CUL3: variants seen among roughly 807,000 people sequenced by gnomAD.
The protein encoded by CUL3 is cullin-3.
Under a neutral mutation model 89.1 loss-of-function variants are expected in CUL3, and 19 were observed. The ratio of observed to expected loss-of-function variants is 0.21; its 90% CI spans 0.15 to 0.31. The LOEUF (loss-of-function observed/expected upper bound fraction) is 0.31, where lower values mean the gene tolerates loss of function less well. Ranked by LOEUF, CUL3 falls within the 10% of genes least tolerant of loss-of-function variation. CUL3 has a pLI of 1.00. For synonymous variants in CUL3, 351 were observed against 308.4 expected (o/e 1.14, Z -1.45); for missense variants, 469 against 942.3 (o/e 0.50, Z 6.58).
chr2:224,559,327 G>C (rs1694830966), intron 1 of CUL3, among the ~76,000 whole-genome samples: 1 of 151,682 alleles, frequency 6.6e-6, no homozygotes, highest in African/African-American at 2.4e-5. Context: ...GGTGGCGCAT[G>C]CCTATAGTCC....
At chr2:224,490,297 G>A (rs1250256290) in intron 13 of CUL3, among the ~76,000 whole-genome samples, 4 of 152,100 alleles carry the variant, frequency 2.6e-5, no homozygotes, top group East Asian at 1.9e-4. Context: ...CAGAAATAAC[G>A]GCATAAGCTG....
chr2:224,492,577 C>T (rs2106172721), intron 13 of CUL3, among the ~76,000 whole-genome samples: 1 of 152,220 alleles, frequency 6.6e-6, no homozygotes, highest in East Asian at 1.9e-4. Context: ...TACAGACTAC[C>T]ACTGTATGTA....
At chr2:224,479,239 A>G (rs1691440600) in intron 14 of CUL3, 1 of 152,174 alleles carries the variant, frequency 6.6e-6, no homozygotes, top group Admixed American at 6.5e-5. Flanking sequence ...CAGATTGTAC[A>G]ATTTAGAAGA....
chr2:224,533,280 T>C (rs1693760107), intron 3 of CUL3, among the ~76,000 whole-genome samples: 1 of 152,206 alleles, frequency 6.6e-6, no homozygotes, highest in Non-Finnish European at 1.5e-5. Flanking sequence ...TAATCTCTAA[T>C]GAGCATGTTA....
At chr2:224,482,545 A>G (rs1381316742) in intron 13 of CUL3, among the ~76,000 whole-genome samples, 1 of 152,044 alleles carries the variant, frequency 6.6e-6, no homozygotes, top group East Asian at 1.9e-4. Flanking sequence ...ATCAAAATTT[A>G]CCATCCAGAC....
At position 224,503,045 on chromosome 2, in the gene CUL3, T is replaced by C; in HGVS notation, c.1405A>G (p.Lys469Glu). 6.2e-7 allele frequency: 1 copy of C among 1,613,864 alleles called. No homozygotes were observed. Among genetic ancestry groups the C allele is most frequent in the Non-Finnish European group, 8.5e-7 (1 of 1,179,788 alleles). Residue 469 changes from lysine (K) to glutamate (E), a missense_variant, in exon 10 of 16, where the codon AAA becomes GAA. Lys to Glu is a moderately conservative substitution (Grantham distance 56). Around this residue, in one of 4 missense-constraint regions of CUL3, gnomAD observed 370 missense variants for 733.2 expected, o/e 0.50. Transcript: ENST00000264414. ...ATATCCCTAAACATTCCTTCCAGTT[T>C]TGACGTGAACTGACATCCACATTCA... ...KTECGCQFTS[K>E]LEGMFRDMSI...
At chr2:224,500,160 G>T in intron 11 of CUL3, 1 of 479,168 alleles carries the variant, frequency 2.1e-6, no homozygotes, top group Non-Finnish European at 3.7e-6. Flanking sequence ...AATCTTTCTA[G>T]AGATAAATTA....
chr2:224,491,899 T>C (rs559103619), intron 13 of CUL3, among the ~76,000 whole-genome samples: 5 of 152,320 alleles, frequency 3.3e-5, no homozygotes, highest in Non-Finnish European at 7.4e-5. Context: ...TTAATAACGA[T>C]CTTTTCAAAA....
In CUL3 at chr2:224,529,281, C is replaced by T. The variant is rs550209762; in HGVS notation, c.378+6247G>A. ...TGAAAGTGAAACATATTAACCAGTA[C>T]CAAACTATCTTATAAGCTAAACATG... On this transcript the variant is annotated intron_variant, in intron 3 of 15. Coordinates refer to ENST00000264414, the MANE Select transcript of CUL3 (RefSeq NM_003590.5). 5.9e-4 allele frequency among the ~76,000 whole-genome samples: 89 copies of T among 151,998 alleles called. 2 individuals are homozygous for T. The highest frequency in any genetic ancestry group is 2.0e-3 in the African/African-American group (83 of 41,458).
intron 2 of CUL3, among the ~76,000 whole-genome samples, chr2:224,541,414 TAAAAC>T (rs2106275393): frequency 6.6e-6 from 1 of 152,286 alleles, no homozygotes; most frequent in South Asian, 2.1e-4. Context: ...TCAGAATGGC[TAAAAC>T]AAAAGATGCT....
intron 13 of CUL3, 169 bp downstream of exon 13, chr2:224,495,663 A>T (rs1692145206): frequency 2.1e-6 from 1 of 480,524 alleles, no homozygotes; most frequent in Non-Finnish European, 3.6e-6. Context: ...AAAATAAGAC[A>T]TAACTCAATA....
In CUL3 at chr2:224,585,334, AT is replaced by A. The variant is rs1695561633; in HGVS notation, c.-326del. The A allele has an allele frequency of 2.5e-6, 1 of 402,114 alleles. No individual in the cohort carries two copies. 24.9% of individuals were successfully genotyped at this position (402,114 alleles called of 1,614,324 possible). ...GCGGCGGCGGCGGCGACGGACAAAC[AT>A]CTCACTGCGCAGGCCGAACGTCGTC... On this transcript the variant is annotated 5_prime_UTR_variant, in exon 1 of 16. The change abolishes an upstream ATG in the 5' untranslated region. Coordinates refer to ENST00000264414, the MANE Select transcript of CUL3 (RefSeq NM_003590.5).
intron 3 of CUL3, among the ~76,000 whole-genome samples, chr2:224,531,033 A>T (rs1693678176): frequency 6.6e-6 from 1 of 152,064 alleles, no homozygotes; most frequent in Admixed American, 6.5e-5. Flanking sequence ...AATTTAAAAA[A>T]TTTATCTTGT....
At chr2:224,549,391 T>C (rs1182385790) in intron 2 of CUL3, among the ~76,000 whole-genome samples, 4 of 152,092 alleles carry the variant, frequency 2.6e-5, no homozygotes, top group African/African-American at 9.7e-5. Flanking sequence ...TAAACAGTCT[T>C]AGAGACTATT....
At chr2:224,482,869 T>C (rs186001798) in intron 13 of CUL3, among the ~76,000 whole-genome samples, 3 of 152,306 alleles carry the variant, frequency 2.0e-5, no homozygotes, top group Non-Finnish European at 2.9e-5. Context: ...CTAGGATTTA[T>C]TGCTTTGATG....
intron 1 of CUL3, among the ~76,000 whole-genome samples, chr2:224,578,802 T>C (rs925561771): frequency 6.6e-6 from 1 of 152,174 alleles, no homozygotes; most frequent in African/African-American, 2.4e-5. Flanking sequence ...ACCATCCATG[T>C]ACTCTGGAAT....
chr2:224,516,447 C>T (rs924144515), intron 3 of CUL3, among the ~76,000 whole-genome samples: 52 of 149,542 alleles, frequency 3.5e-4, no homozygotes, highest in African/African-American at 1.3e-3. Flanking sequence ...CTCGTGAGTA[C>T]CTGGGACTAC....
At chr2:224,499,119 T>G (rs747515856) in intron 11 of CUL3, among the ~76,000 whole-genome samples, 1 of 152,166 alleles carries the variant, frequency 6.6e-6, no homozygotes, top group Non-Finnish European at 1.5e-5. Flanking sequence ...CCACGTCAAG[T>G]TTTTAAGTGT....
chr2:224,539,361 A>AT (rs372924304), intron 2 of CUL3, among the ~76,000 whole-genome samples: 6 of 152,346 alleles, frequency 3.9e-5, no homozygotes, highest in African/African-American at 1.4e-4. Context: ...TGGGAATGTA[A>AT]CATGGTACAG....
Sources: allele counts gnomAD v4.1 joint callset (sites outside exome capture counted in the v4.1 genomes callset), GRCh38; gene constraint gnomAD v4.1.1; regional missense constraint gnomAD v4.1.1; transcripts MANE v1.5; gene names NCBI Gene and HGNC (gene_info 2026-07-23, HGNC 2026-07-21).